Variants in RGS7 observed in about 807,000 individuals in gnomAD.
RGS7 encodes regulator of G-protein signaling 7.
RGS7 carries 27 observed loss-of-function variants against 81.1 expected under a neutral mutation model. The ratio of observed to expected loss-of-function variants is 0.33; its 90% confidence interval spans 0.25 to 0.46. RGS7 has a LOEUF of 0.46. RGS7 is among the 20% of genes least tolerant of loss of function. The pLI, the probability that RGS7 is intolerant of heterozygous loss-of-function variation, is 1.00. For synonymous variants in RGS7, 208 were observed against 207.7 expected (o/e 1.00, Z -0.01); for missense variants, 396 against 607.4 (o/e 0.65, Z 3.66).
intron 13 of RGS7, among the ~76,000 whole-genome samples, chr1:240,812,408 T>A (rs1344775464): frequency 6.6e-6 from 1 of 151,642 alleles, no homozygotes; most frequent in Non-Finnish European, 1.5e-5. Context: ...GATCCAGATA[T>A]TCTGACCCCA....
intron 3 of RGS7, among the ~76,000 whole-genome samples, chr1:241,013,517 A>AT (rs1408343147): frequency 6.6e-5 from 10 of 152,054 alleles, no homozygotes; most frequent in Non-Finnish European, 4.4e-5. Flanking sequence ...TAAATTATGT[A>AT]TTTTTTCTCC....
At chr1:240,957,812 AAAT>A (rs1680701213) in intron 4 of RGS7, among the ~76,000 whole-genome samples, 1 of 152,212 alleles carries the variant, frequency 6.6e-6, no homozygotes, top group African/African-American at 2.4e-5. Context: ...ATTTTTCTGT[AAAT>A]CTAAACCTAT....
chr1:241,227,067 G>A (rs1422012308), intron 2 of RGS7, among the ~76,000 whole-genome samples: 1 of 152,194 alleles, frequency 6.6e-6, no homozygotes, highest in Non-Finnish European at 1.5e-5. Flanking sequence ...TACGAAGGTT[G>A]GCTGGCTCTG....
At position 240,812,530 on chromosome 1, in the gene RGS7, G is replaced by A. The variant is rs7516577; in HGVS notation, c.957-487C>T. Among the ~76,000 whole-genome samples, 1,233 of 151,598 alleles carry A rather than the reference G, an allele frequency of 8.1e-3. 27 individuals are homozygous for A. Among genetic ancestry groups the A allele is most frequent in the South Asian group, 0.028 (133 of 4,800 alleles). ...GCTCACTGCAACCTCCACCTCCCGG[G>A]TTCAAGAGAGTCTCCTGCTTCAGCC... On this transcript the variant is annotated intron_variant, in intron 13 of 18. Transcript: ENST00000440928.
At chr1:241,328,894 G>C (rs568724684) in intron 2 of RGS7, among the ~76,000 whole-genome samples, 24 of 152,218 alleles carry the variant, frequency 1.6e-4, no homozygotes, top group African/African-American at 5.3e-4. Flanking sequence ...TGGTCTACCA[G>C]GGATAGCATG....
intron 6 of RGS7, among the ~76,000 whole-genome samples, chr1:240,901,851 C>T (rs886068693): frequency 1.4e-4 from 21 of 152,180 alleles, no homozygotes; most frequent in African/African-American, 5.1e-4. Flanking sequence ...AAACTTATCA[C>T]TCTTCATTTA....
At chr1:240,831,013 C>T (rs1313372189) in intron 9 of RGS7, among the ~76,000 whole-genome samples, 1 of 152,170 alleles carries the variant, frequency 6.6e-6, no homozygotes, top group Non-Finnish European at 1.5e-5. Context: ...CACTAATCAG[C>T]AAATTAATAA....
intron 2 of RGS7, among the ~76,000 whole-genome samples, chr1:241,273,977 G>A (rs2148361285): frequency 6.6e-6 from 1 of 152,274 alleles, no homozygotes; most frequent in African/African-American, 2.4e-5. Context: ...CCAAAAGTTG[G>A]GCTGGTTTCT....
chr1:241,093,626 A>G (rs2064040124), intron 3 of RGS7, among the ~76,000 whole-genome samples: 1 of 152,132 alleles, frequency 6.6e-6, no homozygotes, highest in South Asian at 2.1e-4. Context: ...AATCTAGGGG[A>G]AAAAATAAAT....
intron 2 of RGS7, among the ~76,000 whole-genome samples, chr1:241,273,308 T>C (rs2078024822): frequency 6.6e-6 from 1 of 151,778 alleles, no homozygotes; most frequent in South Asian, 2.1e-4. Flanking sequence ...GAAGACATGA[T>C]AGGACTTTCT....
At chr1:241,122,372 C>T (rs2066343663) in intron 2 of RGS7, among the ~76,000 whole-genome samples, 2 of 152,108 alleles carry the variant, frequency 1.3e-5, no homozygotes, top group Admixed American at 1.3e-4. Flanking sequence ...GCATTTAATA[C>T]ACCTAACTGT....
intron 18 of RGS7, among the ~76,000 whole-genome samples, chr1:240,778,938 T>A (rs914637546): frequency 3.3e-5 from 5 of 150,674 alleles, no homozygotes; most frequent in African/African-American, 1.2e-4. Context: ...AGACCCTGCT[T>A]TATAAATAAA....
chr1:241,207,739 A>G (rs1213204231), intron 2 of RGS7, among the ~76,000 whole-genome samples: 1 of 152,180 alleles, frequency 6.6e-6, no homozygotes, highest in African/African-American at 2.4e-5. Context: ...ATTCTCCAAA[A>G]TCTTCCACAC....
At chr1:241,091,663 A>C (rs1035256875) in intron 3 of RGS7, among the ~76,000 whole-genome samples, 1 of 152,120 alleles carries the variant, frequency 6.6e-6, no homozygotes. Flanking sequence ...AGACATGAGG[A>C]TCTCTTGAGT....
rs551211887 is a variant in RGS7, at chr1:240,900,835, G to A, written c.385+29882C>T. On this transcript the variant is annotated intron_variant, in intron 6 of 18. Coordinates refer to ENST00000440928, the MANE Select transcript of RGS7 (RefSeq NM_001364886.1). Reference sequence around the variant, plus strand: ...CTCTTCAAAGCTGTCAGACAGGGGCGTTTAAGTCTGCAGAAGTTTCTGCTG... The same window carrying A: ...CTCTTCAAAGCTGTCAGACAGGGGCATTTAAGTCTGCAGAAGTTTCTGCTG... Among the ~76,000 whole-genome samples the A allele has an allele frequency of 3.3e-4, 51 of 152,300 alleles. 2 individuals are homozygous for A. In the South Asian group the frequency reaches 9.3e-3, roughly 28 times the overall value.
intron 2 of RGS7, among the ~76,000 whole-genome samples, chr1:241,246,881 C>A (rs1239344694): frequency 6.6e-6 from 1 of 151,892 alleles, no homozygotes; most frequent in Non-Finnish European, 1.5e-5. Flanking sequence ...GATACATGAA[C>A]GTCAGCTGTG....
intron 4 of RGS7, among the ~76,000 whole-genome samples, chr1:240,972,210 C>A (rs4659585): frequency 0.41 from 62,262 of 151,884 alleles, 13,286 homozygotes; most frequent in East Asian, 0.67. Context: ...AAGCAGAATC[C>A]AGGTCTGAAA....
At chr1:240,986,121 C>T (rs181904428) in intron 3 of RGS7, among the ~76,000 whole-genome samples, 12 of 152,104 alleles carry the variant, frequency 7.9e-5, no homozygotes, top group African/African-American at 2.7e-4. Context: ...TCACTGTAGC[C>T]TATGGAAAGT....
At chr1:241,340,780 T>C (rs560274651) in intron 2 of RGS7, among the ~76,000 whole-genome samples, 18 of 148,496 alleles carry the variant, frequency 1.2e-4, no homozygotes, top group African/African-American at 4.5e-4. Context: ...TACTAGATAG[T>C]GACTCAGAGA....
Sources: allele counts gnomAD v4.1 joint callset (sites outside exome capture counted in the v4.1 genomes callset), GRCh38; gene constraint gnomAD v4.1.1; transcripts MANE v1.5; gene names NCBI Gene and HGNC (gene_info 2026-07-23, HGNC 2026-07-21).